Variants in NIPSNAP2 observed in about 807,000 individuals in gnomAD.
NIPSNAP2 encodes nipsnap homolog 2, also known as protein NipSnap homolog 2.
NIPSNAP2 carries 42 observed loss-of-function variants against 48.4 expected under a neutral mutation model. The observed-to-expected ratio is 0.87, with a 90% CI of 0.68 to 1.12. The LOEUF (loss-of-function observed/expected upper bound fraction) is 1.12, where lower values mean the gene tolerates loss of function less well. Ranked by LOEUF, NIPSNAP2 falls within the 50% of genes most tolerant of loss-of-function variation. The pLI is 0.00. For missense variants in NIPSNAP2, 314 were observed against 347.3 expected (o/e 0.90, Z 0.76); for synonymous variants, 158 against 126.6 (o/e 1.25, Z -1.67).
intron 1 of NIPSNAP2, among the ~76,000 whole-genome samples, chr7:55,975,208 C>T (rs1787085484): frequency 6.6e-6 from 1 of 151,942 alleles, no homozygotes; most frequent in Non-Finnish European, 1.5e-5. Flanking sequence ...CAAAAATTAA[C>T]CAGGCATGGT....
Position 55,978,121 on chromosome 7 carries a change from C to A in NIPSNAP2, c.93-5C>A. ...CTGCGTGACAACACCTTTGTTATTCCATAGGACATGGACATCTTCCAGCAA... is the reference window on the plus strand; with the variant it reads ...CTGCGTGACAACACCTTTGTTATTCAATAGGACATGGACATCTTCCAGCAA... On this transcript the variant is annotated splice_region_variant and splice_polypyrimidine_tract_variant and intron_variant, in intron 1 of 9. Transcript: ENST00000322090. The A allele has an allele frequency of 6.2e-7, 1 of 1,613,906 alleles. No homozygotes were observed. Among genetic ancestry groups the A allele is most frequent in the Non-Finnish European group, 8.5e-7 (1 of 1,179,958 alleles).
intron 8 of NIPSNAP2, 86 bp downstream of exon 8, chr7:55,995,074 T>C (rs1787530990): frequency 2.7e-6 from 3 of 1,093,040 alleles, no homozygotes; most frequent in African/African-American, 3.1e-5. Flanking sequence ...CTTGAGTCAG[T>C]AACCTTAACC....
chr7:55,980,504 C>T (rs1280319316), intron 3 of NIPSNAP2: 2 of 152,170 alleles, frequency 1.3e-5, no homozygotes, highest in African/African-American at 4.8e-5. Context: ...TGCCCTTGAT[C>T]CCCTTTTGCA....
intron 7 of NIPSNAP2, among the ~76,000 whole-genome samples, chr7:55,986,232 G>C (rs1401432085): frequency 6.6e-6 from 1 of 151,460 alleles, no homozygotes. Flanking sequence ...ACCGGGCATG[G>C]TGGCACACAC....
At chr7:55,964,872 C>G (rs1166933890) in intron 1 of NIPSNAP2, 171 bp downstream of exon 1, 1 of 222,740 alleles carries the variant, frequency 4.5e-6, no homozygotes, top group Non-Finnish European at 8.5e-6. Flanking sequence ...GGGGCGGGGT[C>G]GGGGCGTCCT....
At chr7:55,993,228 G>A (rs1486359377) in intron 7 of NIPSNAP2, among the ~76,000 whole-genome samples, 1 of 151,864 alleles carries the variant, frequency 6.6e-6, no homozygotes, top group African/African-American at 2.4e-5. Flanking sequence ...AAACCTGGGA[G>A]GCAGAGGTTG....
chr7:55,986,555 A>G (rs1787332785), intron 7 of NIPSNAP2, among the ~76,000 whole-genome samples: 1 of 151,530 alleles, frequency 6.6e-6, no homozygotes, highest in South Asian at 2.1e-4. Flanking sequence ...CCAGCTACTC[A>G]GGAGGCTGAG....
intron 3 of NIPSNAP2, chr7:55,979,483 C>G (rs1438350951): frequency 4.0e-6 from 1 of 251,882 alleles, no homozygotes; most frequent in Non-Finnish European, 8.0e-6. Flanking sequence ...TTTACTCAGC[C>G]CGTTCCTTAG....
chr7:55,984,542 C>G (rs183530102), intron 6 of NIPSNAP2, among the ~76,000 whole-genome samples: 1 of 152,060 alleles, frequency 6.6e-6, no homozygotes, highest in Non-Finnish European at 1.5e-5. Context: ...CATGGTGAAA[C>G]CCCATCTCTT....
At chr7:55,977,010 A>G (rs1415248409) in intron 1 of NIPSNAP2, among the ~76,000 whole-genome samples, 2 of 152,332 alleles carry the variant, frequency 1.3e-5, no homozygotes, top group Admixed American at 1.3e-4. Flanking sequence ...AAAATTAGCA[A>G]ATTATGTGTT....
chr7:55,971,722 G>C (rs948086816), intron 1 of NIPSNAP2, among the ~76,000 whole-genome samples: 1 of 151,980 alleles, frequency 6.6e-6, no homozygotes, highest in Admixed American at 6.6e-5. Flanking sequence ...CTCAGTTGGG[G>C]TGATTTTTAT....
At chr7:55,964,760 C>T in intron 1 of NIPSNAP2, 59 bp downstream of exon 1, 1 of 914,646 alleles carries the variant, frequency 1.1e-6, no homozygotes, top group South Asian at 5.2e-5. Context: ...AGGCGGAGGG[C>T]GCGGGTTTCC....
At position 55,999,094 on chromosome 7, in the gene NIPSNAP2, C is replaced by T; in HGVS notation, c.*22C>T. Reference sequence around the variant, plus strand: ...GTAAAGCTGTAGAGTTTCTATGTGCCTACATACATTTCTGTGACAAGTATT... The same window carrying T: ...GTAAAGCTGTAGAGTTTCTATGTGCTTACATACATTTCTGTGACAAGTATT... On this transcript the variant is annotated 3_prime_UTR_variant, in exon 10 of 10. Transcript: ENST00000322090. 6.4e-7 allele frequency: 1 copy of T among 1,567,524 alleles called. No individual in the cohort carries two copies. Among genetic ancestry groups the T allele is most frequent in the Non-Finnish European group, 8.8e-7 (1 of 1,141,528 alleles).
At chr7:55,972,730 A>G (rs1248455916) in intron 1 of NIPSNAP2, among the ~76,000 whole-genome samples, 3 of 152,162 alleles carry the variant, frequency 2.0e-5, no homozygotes, top group East Asian at 1.9e-4. Flanking sequence ...TGCCCAGCCC[A>G]TGATATTATT....
Position 55,977,389 on chromosome 7 carries a change from T to TA in NIPSNAP2, c.93-728dup, listed in dbSNP as rs200976761. ...TTGGGCGATAGAGCGAGACTCCATC[T>TA]AAAAAAAAATTTTTTTTTGATTTTT... On this transcript the variant is annotated intron_variant, in intron 1 of 9. Transcript: ENST00000322090. 3.4e-4 allele frequency among the ~76,000 whole-genome samples: 52 copies of TA among 151,962 alleles called. 2 individuals are homozygous for TA. The highest frequency in any genetic ancestry group is 1.1e-3 in the African/African-American group (47 of 41,492).
chr7:55,985,709 G>A (rs1787313400), intron 7 of NIPSNAP2, among the ~76,000 whole-genome samples: 1 of 146,234 alleles, frequency 6.8e-6, no homozygotes, highest in African/African-American at 2.6e-5. Context: ...TTGCACCACT[G>A]CACTCCAGCC....
intron 7 of NIPSNAP2, among the ~76,000 whole-genome samples, chr7:55,986,076 G>C (rs185445694): frequency 3.3e-5 from 5 of 151,916 alleles, no homozygotes; most frequent in Non-Finnish European, 7.4e-5. Flanking sequence ...TAAAAATAAA[G>C]ACTGGGCATG....
At chr7:55,978,507 A>G in intron 3 of NIPSNAP2, 112 bp downstream of exon 3, 1 of 998,470 alleles carries the variant, frequency 1.0e-6, no homozygotes, top group Non-Finnish European at 1.5e-6. Context: ...TCTCTTTTGA[A>G]GCTGAACATT....
chr7:55,979,412 A>C (rs937208629), intron 3 of NIPSNAP2: 2 of 179,522 alleles, frequency 1.1e-5, no homozygotes, highest in African/African-American at 4.7e-5. Flanking sequence ...CTCTCACTTC[A>C]CACCCAGCAT....
Sources: gnomAD v4.1 joint callset for allele counts (sites outside exome capture counted in the v4.1 genomes callset) on GRCh38, gnomAD v4.1.1 for gene constraint, MANE v1.5 for transcripts, NCBI Gene and HGNC (gene_info 2026-07-23, HGNC 2026-07-21) for gene names.